LSP1: variants seen among roughly 807,000 people sequenced by gnomAD.
The protein encoded by LSP1 is lymphocyte specific protein 1.
A neutral mutation model predicts 49.3 loss-of-function variants in LSP1; 32 were observed. The ratio of observed to expected loss-of-function variants is 0.65; its 90% confidence interval spans 0.49 to 0.87. The LOEUF (loss-of-function observed/expected upper bound fraction) is 0.87. LSP1 is among the 40% of genes least tolerant of loss of function. The pLI is 0.00. For missense variants in LSP1, 428 were observed against 442.6 expected, an observed-to-expected ratio of 0.97 and a Z score of 0.30; for synonymous variants, 179 against 178.8, an observed-to-expected ratio of 1.00 and a Z score of -0.01.
At chr11:1,888,054 C>A (rs1380652178) in intron 10 of LSP1, among the ~76,000 whole-genome samples, 1 of 152,146 alleles carries the variant, frequency 6.6e-6, no homozygotes, top group Non-Finnish European at 1.5e-5. Context: ...CCATCCCATG[C>A]TGCAGACAGA....
At chr11:1,872,040 C>T (rs1848040365) in intron 1 of LSP1, among the ~76,000 whole-genome samples, 1 of 139,618 alleles carries the variant, frequency 7.2e-6, no homozygotes, top group South Asian at 2.3e-4. Context: ...GGCAGGCAGG[C>T]CTGGGCTATA....
intron 10 of LSP1, chr11:1,889,634 G>A: frequency 1.6e-6 from 1 of 616,328 alleles, no homozygotes; most frequent in East Asian, 2.8e-5. Flanking sequence ...GTGGGGTAGG[G>A]GATGAGGCCC....
At chr11:1,870,315 G>A (rs1015383765) in intron 1 of LSP1, 14 of 1,294,980 alleles carry the variant, frequency 1.1e-5, no homozygotes, top group African/African-American at 3.0e-5. Flanking sequence ...CTGGGGCTTG[G>A]CAGGGGGTGC....
chr11:1,875,899 G>GGGAGGAGT (rs966015647), intron 1 of LSP1, among the ~76,000 whole-genome samples: 6 of 152,330 alleles, frequency 3.9e-5, no homozygotes, highest in Admixed American at 3.9e-4. Flanking sequence ...TGCCTCTCCA[G>GGGAGGAGT]GGAGGAGTGA....
intron 1 of LSP1, chr11:1,871,362 G>C (rs866936889): frequency 3.0e-6 from 3 of 986,044 alleles, no homozygotes; most frequent in Non-Finnish European, 1.2e-6. Flanking sequence ...GCTGCAGAGC[G>C]GGACAAGGGT....
intron 10 of LSP1, chr11:1,890,170 G>T (rs985449472): frequency 1.5e-5 from 11 of 717,004 alleles, no homozygotes; most frequent in Non-Finnish European, 2.9e-5. Flanking sequence ...AGAATCCTGC[G>T]CTGGGTGAGG....
Position 1,886,984 on chromosome 11 carries a change from C to T in LSP1, c.852+118C>T, listed in dbSNP as rs1263017139. ...ACTGTCCAGGATGAATGTGGGTATACAGAACCCTGAGGTATTGCAGTAGGG... is the reference window on the plus strand; with the variant it reads ...ACTGTCCAGGATGAATGTGGGTATATAGAACCCTGAGGTATTGCAGTAGGG... On this transcript the variant is annotated intron_variant, in intron 8 of 10. Transcript: ENST00000311604. The T allele has an allele frequency of 3.0e-5, 39 of 1,315,376 alleles. 1 individual carries two copies. The highest frequency in any genetic ancestry group is 2.7e-4 in the Middle Eastern group (1 of 3,672). The allele number at this position is 1,315,376 out of a possible 1,614,324, so 81.5% of individuals were successfully genotyped here. A position where few individuals can be genotyped will look rare whatever the true frequency, so the allele number is the denominator to read the frequency against.
chr11:1,866,384 G>T (rs1252253747), intron 1 of LSP1: 14 of 1,184,506 alleles, frequency 1.2e-5, no homozygotes, highest in South Asian at 8.3e-5. Flanking sequence ...GCCCATGGGG[G>T]TGAGCTAAGT....
intron 1 of LSP1, among the ~76,000 whole-genome samples, chr11:1,872,182 CG>C (rs754073786): frequency 1.5e-3 from 76 of 51,394 alleles, no homozygotes; most frequent in South Asian, 9.0e-3. Flanking sequence ...GGGGTCTGTC[CG>C]GCTGGCGTGG....
intron 7 of LSP1, among the ~76,000 whole-genome samples, chr11:1,886,076 C>A (rs1848737256): frequency 6.6e-6 from 1 of 151,684 alleles, no homozygotes; most frequent in Non-Finnish European, 1.5e-5. Flanking sequence ...CCAACCAATA[C>A]TTCCCCATCC....
At chr11:1,855,862 C>T (rs1044429808) in intron 1 of LSP1, among the ~76,000 whole-genome samples, 1 of 152,230 alleles carries the variant, frequency 6.6e-6, no homozygotes, top group Non-Finnish European at 1.5e-5. Context: ...AGGCTCTCCC[C>T]ACACTGAGGA....
intron 1 of LSP1, among the ~76,000 whole-genome samples, chr11:1,867,815 C>G (rs369753590): frequency 6.0e-4 from 91 of 152,206 alleles, no homozygotes; most frequent in African/African-American, 2.2e-3. Context: ...ACGTGTCCCC[C>G]CTGCCCCGTC....
In LSP1 at chr11:1,868,940, G is replaced by A. The variant is rs1847883580; in HGVS notation, c.54-11147G>A. On this transcript the variant is annotated intron_variant, in intron 1 of 10. Transcript: ENST00000311604. ...GGGAGGCACCCTGAGGCCAGAGGGAGCATGGCCCCGGGGACTGAGCATCCG... is the reference window on the plus strand; with the variant it reads ...GGGAGGCACCCTGAGGCCAGAGGGAACATGGCCCCGGGGACTGAGCATCCG... The A allele has an allele frequency of 1.3e-5, 13 of 986,084 alleles. No homozygotes were observed. The South Asian group carries it at 6.1e-4, about 46-fold the overall frequency. The allele number at this position is 986,084 out of a possible 1,614,324, so 61.1% of individuals were successfully genotyped here. A position where few individuals can be genotyped will look rare whatever the true frequency, so the allele number is the denominator to read the frequency against.
At chr11:1,866,831 G>A (rs1174533498) in intron 1 of LSP1, 1 of 1,549,418 alleles carries the variant, frequency 6.5e-7, no homozygotes, top group South Asian at 1.2e-5. Context: ...CTGCCTGGCT[G>A]TGCGGTGGCT....
At chr11:1,878,125 C>G (rs930400649) in intron 1 of LSP1, among the ~76,000 whole-genome samples, 3 of 152,170 alleles carry the variant, frequency 2.0e-5, no homozygotes, top group African/African-American at 7.2e-5. Flanking sequence ...CACACCCCAG[C>G]TAAGCCCTTG....
intron 1 of LSP1, among the ~76,000 whole-genome samples, chr11:1,865,612 AT>A (rs1295433206): frequency 1.1e-5 from 1 of 94,194 alleles, no homozygotes; most frequent in Non-Finnish European, 2.1e-5. Context: ...ACTGTCACCC[AT>A]TCACACCATC....
chr11:1,864,281 CGAA>C (rs1847718170), intron 1 of LSP1: 2 of 983,812 alleles, frequency 2.0e-6, no homozygotes, highest in Non-Finnish European at 2.4e-6. Flanking sequence ...GAACGGCCGA[CGAA>C]GGAGAAGAAC....
At chr11:1,883,326 T>C (rs1848624006) in intron 3 of LSP1, 93 bp from the exon 4 acceptor site, 2 of 1,497,964 alleles carry the variant, frequency 1.3e-6, no homozygotes, top group East Asian at 2.3e-5. Flanking sequence ...ACCTTCATTT[T>C]ACAGATGGGG....
In LSP1 at chr11:1,879,248, G is replaced by C. The variant is rs867816326; in HGVS notation, c.54-839G>C. On this transcript the variant is annotated intron_variant, in intron 1 of 10. Coordinates refer to ENST00000311604, the MANE Select transcript of LSP1 (RefSeq NM_002339.3). ...TAATCCCAGCTACTCAGGAGGCTGA[G>C]GCAGGAGAATCGCTTGAACCCAGGA... Among the ~76,000 whole-genome samples the C allele has an allele frequency of 5.9e-5, 9 of 152,214 alleles. No individual in the cohort carries two copies. In the South Asian group the frequency reaches 1.0e-3, roughly 17 times the overall value.
Sources: gnomAD v4.1 joint callset for allele counts (sites outside exome capture counted in the v4.1 genomes callset) on GRCh38, gnomAD v4.1.1 for gene constraint, MANE v1.5 for transcripts, NCBI Gene and HGNC (gene_info 2026-07-23, HGNC 2026-07-21) for gene names.